The following FAT2 variants were observed in gnomAD, a reference collection of about 807,000 sequenced individuals.
FAT2 encodes FAT atypical cadherin 2.
Under a neutral mutation model 295.3 loss-of-function variants are expected in FAT2, and 150 were observed. That is an observed-to-expected ratio of 0.51 (90% CI 0.44 to 0.58). The LOEUF is 0.58. Among genes scored for constraint, FAT2 ranks in the 20% least tolerant of loss-of-function variants. The probability of loss-of-function intolerance (pLI) is 0.00; values close to 1 mark genes in which losing one functional copy is unlikely to be tolerated. For synonymous variants in FAT2, 2,026 were observed against 2,150.3 expected, an observed-to-expected ratio of 0.94 and a Z score of 1.60; for missense variants, 4,868 against 5,442.7, an observed-to-expected ratio of 0.89 and a Z score of 3.32.
chr5:151,592,769 CTG>C (rs3214607), upstream of FAT2, among the ~76,000 whole-genome samples: 23,700 of 152,150 alleles, frequency 0.16, 2,045 homozygotes, highest in Non-Finnish European at 0.19. Flanking sequence ...TGTGACAAAA[CTG>C]AGGCCTGGTT....
intron 1 of FAT2, among the ~76,000 whole-genome samples, chr5:151,590,518 C>T (rs1759357202): frequency 6.6e-6 from 1 of 152,214 alleles, no homozygotes; most frequent in South Asian, 2.1e-4. Flanking sequence ...CCCACCCCAA[C>T]AACTCCAGTG....
At chr5:151,583,505 T>C (rs1759045693) in intron 1 of FAT2, among the ~76,000 whole-genome samples, 1 of 152,152 alleles carries the variant, frequency 6.6e-6, no homozygotes, top group East Asian at 1.9e-4. Context: ...AACAAATCTA[T>C]AGATTAGATT....
intron 3 of FAT2, among the ~76,000 whole-genome samples, chr5:151,562,975 A>C (rs1352354170): frequency 1.1e-4 from 17 of 152,132 alleles, no homozygotes; most frequent in Non-Finnish European, 1.5e-5. Context: ...GACCACTTGG[A>C]GGTCTAACTA....
intron 23 of FAT2, among the ~76,000 whole-genome samples, chr5:151,506,700 A>C (rs77960640): frequency 0.11 from 16,454 of 152,264 alleles, 1,352 homozygotes; most frequent in East Asian, 0.36. Context: ...GTGCTTTACT[A>C]ATGCACCCCC....
At chr5:151,552,982 C>T (rs542023540) in intron 6 of FAT2, among the ~76,000 whole-genome samples, 195 bp downstream of exon 6, 15 of 152,238 alleles carry the variant, frequency 9.9e-5, no homozygotes, top group Non-Finnish European at 1.6e-4. Context: ...GAAAGGAAAG[C>T]TTGGCAGACG....
rs58539585 is a variant in FAT2, at chr5:151,573,667, CAAA to C, written c.-20-4719_-20-4717del. Among the ~76,000 whole-genome samples the C allele has an allele frequency of 5.9e-3, 898 of 152,094 alleles. 26 individuals carry two copies. In the East Asian group the frequency reaches 0.09, roughly 15 times the overall value. On this transcript the variant is annotated intron_variant, in intron 1 of 23. Coordinates refer to ENST00000261800, the MANE Select transcript of FAT2 (RefSeq NM_001447.3). ...GACTCCATCTCAAAATAAAACAAAA[CAAA>C]AAAGACTTTCAGACAAATTATTCCG...
chr5:151,547,243 C>T (rs1486647426), intron 9 of FAT2, among the ~76,000 whole-genome samples: 1 of 152,148 alleles, frequency 6.6e-6, no homozygotes, highest in African/African-American at 2.4e-5. Context: ...AAGGTCTGAG[C>T]CTGTGAGCTA....
At chr5:151,552,119 G>A (rs925191709) in intron 6 of FAT2, among the ~76,000 whole-genome samples, 1 of 151,820 alleles carries the variant, frequency 6.6e-6, no homozygotes, top group East Asian at 1.9e-4. Flanking sequence ...GCATTCATTT[G>A]TGTGTGCTTA....
chr5:151,547,735 T>C (rs928220854), intron 9 of FAT2, among the ~76,000 whole-genome samples: 2 of 152,164 alleles, frequency 1.3e-5, no homozygotes, highest in African/African-American at 4.8e-5. Context: ...CCGATTATAA[T>C]TTATTATATA....
At position 151,534,510 on chromosome 5, in the gene FAT2, T is replaced by C. The variant is rs1225785358; in HGVS notation, c.9326A>G (p.Asn3109Ser). Reference protein sequence around the residue: ...ITLHVEDVNDNAPRFFPSHCA... With the variant: ...ITLHVEDVNDSAPRFFPSHCA... ...GTGGCTGGGGAAGAACCGCGGGGCA[T>C]TGTCATTCACATCCTCCACATGGAG... The change falls in exon 13 of 24, where the codon AAT becomes AGT. Residue 3109 changes from asparagine to serine, a missense_variant. Around this residue, in one of 5 missense-constraint regions of FAT2, gnomAD observed 1,046 missense variants for 1,210.1 expected, o/e 0.86. Coordinates refer to ENST00000261800, the MANE Select transcript of FAT2 (RefSeq NM_001447.3). 4 of 1,614,004 alleles carry C rather than the reference T, an allele frequency of 2.5e-6. No homozygotes were observed. Among genetic ancestry groups the C allele is most frequent in the African/African-American group, 2.7e-5 (2 of 74,922 alleles).
intron 3 of FAT2, among the ~76,000 whole-genome samples, chr5:151,559,647 C>CTCTGTGTG (rs1554132265): frequency 0.018 from 2,743 of 151,808 alleles, 46 homozygotes; most frequent in African/African-American, 0.037. Flanking sequence ...GCCTCTCTCT[C>CTCTGTGTG]TGTGTGTGTG....
At chr5:151,524,896 G>A (rs995776508) in intron 18 of FAT2, among the ~76,000 whole-genome samples, 3 of 152,168 alleles carry the variant, frequency 2.0e-5, no homozygotes, top group African/African-American at 7.2e-5. Context: ...CCCTCTGAAT[G>A]TGTGTCCCCC....
At chr5:151,525,740 AC>A in intron 18 of FAT2, 27 bp downstream of exon 18, 1 of 1,613,340 alleles carries the variant, frequency 6.2e-7, no homozygotes, top group Non-Finnish European at 8.5e-7. Flanking sequence ...CCCCATGGTC[AC>A]CACCAGAAGC....
intron 13 of FAT2, among the ~76,000 whole-genome samples, chr5:151,532,698 C>T (rs766927707): frequency 9.9e-5 from 15 of 152,170 alleles, no homozygotes; most frequent in Non-Finnish European, 8.8e-5. Context: ...AGCTTTGTCT[C>T]CAATTCTGTT....
chr5:151,526,091 A>C (rs1753954899), intron 17 of FAT2, 126 bp from the exon 18 acceptor site: 2 of 902,294 alleles, frequency 2.2e-6, no homozygotes, highest in Admixed American at 4.2e-5. Flanking sequence ...TGGTGCCTGG[A>C]CATCAAGCTG....
At chr5:151,516,307 C>G (rs1311654417) in intron 20 of FAT2, among the ~76,000 whole-genome samples, 2 of 152,122 alleles carry the variant, frequency 1.3e-5, no homozygotes, top group East Asian at 3.9e-4. Context: ...GCCAGGAGTT[C>G]AAGACCAGCC....
rs1180215758 is a variant in FAT2, at chr5:151,540,714, C to A, written c.8892G>T (p.Trp2964Cys). 2 of 1,614,152 alleles carry A rather than the reference C, an allele frequency of 1.2e-6. No individual in the cohort carries two copies. The highest frequency in any genetic ancestry group is 1.7e-6 in the Non-Finnish European group (2 of 1,180,028). Residue 2964 changes from tryptophan to cysteine, a missense_variant, in exon 11 of 24, where the codon TGG becomes TGT. Around this residue, in one of 5 missense-constraint regions of FAT2, gnomAD observed 3,297 missense variants for 3,669.4 expected, o/e 0.90. Coordinates refer to ENST00000261800, the MANE Select transcript of FAT2 (RefSeq NM_001447.3). ...QFGISQVGDE[W>C]RISSRKTLDR... ...CCAGGGTCTTCCTTGAGGAAATCCT[C>A]CACTCATCTCCAACTTGGCTGATGC...
At chr5:151,578,542 T>G (rs1180532303) in intron 1 of FAT2, among the ~76,000 whole-genome samples, 1 of 152,138 alleles carries the variant, frequency 6.6e-6, no homozygotes, top group East Asian at 1.9e-4. Context: ...AGTACAGCCA[T>G]TACGGAAAAC....
intron 3 of FAT2, among the ~76,000 whole-genome samples, chr5:151,558,162 G>C (rs933990290): frequency 6.6e-6 from 1 of 152,152 alleles, no homozygotes; most frequent in East Asian, 1.9e-4. Context: ...GAGTTCACAC[G>C]GTGTTCACCT....
Sources: allele counts gnomAD v4.1 joint callset (sites outside exome capture counted in the v4.1 genomes callset), GRCh38; gene constraint gnomAD v4.1.1; regional missense constraint gnomAD v4.1.1; transcripts MANE v1.5; gene names NCBI Gene and HGNC (gene_info 2026-07-23, HGNC 2026-07-21).